The following FMN2 variants were observed in gnomAD, a reference collection of about 807,000 sequenced individuals.
FMN2 encodes formin 2.
In FMN2, 51 loss-of-function variants were observed where a neutral mutation model predicts 142.3. The observed-to-expected ratio is 0.36, with a 90% CI of 0.29 to 0.45. The LOEUF (loss-of-function observed/expected upper bound fraction) is 0.45. Ranked by LOEUF, FMN2 falls within the 20% of genes least tolerant of loss-of-function variation. The pLI is 1.00. For missense variants in FMN2, 1,936 were observed against 2,122.8 expected, an observed-to-expected ratio of 0.91 and a Z score of 1.73; for synonymous variants, 882 against 869.8, an observed-to-expected ratio of 1.01 and a Z score of -0.25.
intron 2 of FMN2, among the ~76,000 whole-genome samples, 159 bp downstream of exon 2, chr1:240,123,504 A>C (rs987629477): frequency 1.6e-3 from 189 of 119,400 alleles, no homozygotes; most frequent in Admixed American, 4.5e-3. Flanking sequence ...CTGTTTGTAC[A>C]CAAAAAAAAA....
At chr1:240,209,058 C>A (rs1189084033) in intron 5 of FMN2, among the ~76,000 whole-genome samples, 2 of 152,054 alleles carry the variant, frequency 1.3e-5, no homozygotes, top group African/African-American at 4.8e-5. Flanking sequence ...AGTTGTAAGA[C>A]TGCTACTTAT....
intron 6 of FMN2, among the ~76,000 whole-genome samples, chr1:240,254,551 C>G (rs1264916011): frequency 2.0e-5 from 3 of 151,960 alleles, no homozygotes; most frequent in African/African-American, 4.8e-5. Context: ...GACCCCAGGT[C>G]CCCCCTACCC....
At chr1:240,096,760 C>T (rs764381146) in intron 1 of FMN2, among the ~76,000 whole-genome samples, 20 of 152,064 alleles carry the variant, frequency 1.3e-4, no homozygotes, top group Non-Finnish European at 2.4e-4. Flanking sequence ...CGCTTTTTAC[C>T]GCCTTCCAAA....
At chr1:240,206,712 CA>C (rs1049726926) in intron 4 of FMN2, 86 bp from the exon 5 acceptor site, 6 of 1,433,634 alleles carry the variant, frequency 4.2e-6, no homozygotes, top group Non-Finnish European at 5.6e-6. Context: ...AGTATGACAA[CA>C]AACAGATATA....
In FMN2 at chr1:240,227,636, TC is replaced by T. The variant is rs538729499; in HGVS notation, c.4065+16402del. On this transcript the variant is annotated intron_variant, in intron 6 of 17. Transcript: ENST00000319653. ...TGGAATATATTTGAGAGTCCAGAAA[TC>T]AGTTCTTACATTTATGGTCTGTTGA... Among the ~76,000 whole-genome samples the T allele has an allele frequency of 2.7e-3, 410 of 152,292 alleles. 3 individuals carry two copies. The highest frequency in any genetic ancestry group is 0.027 in the South Asian group (129 of 4,810).
At chr1:240,355,294 A>G (rs1166051099) in intron 13 of FMN2, among the ~76,000 whole-genome samples, 1 of 152,216 alleles carries the variant, frequency 6.6e-6, no homozygotes, top group South Asian at 2.1e-4. Context: ...ATTGGATGCT[A>G]TACTAACATT....
At chr1:240,255,485 A>C (rs904805158) in intron 6 of FMN2, among the ~76,000 whole-genome samples, 1 of 152,160 alleles carries the variant, frequency 6.6e-6, no homozygotes, top group African/African-American at 2.4e-5. Flanking sequence ...GCATTTATCT[A>C]TGTAAGATAA....
chr1:240,467,870 T>C (rs2103241921), intron 16 of FMN2, among the ~76,000 whole-genome samples: 2 of 152,382 alleles, frequency 1.3e-5, no homozygotes, highest in Non-Finnish European at 2.9e-5. Flanking sequence ...AGCCATTATC[T>C]ACCATTTAGT....
chr1:240,152,293 C>T (rs1663816563), intron 2 of FMN2, among the ~76,000 whole-genome samples: 1 of 144,040 alleles, frequency 6.9e-6, no homozygotes, highest in South Asian at 2.5e-4. Flanking sequence ...CCTTTTGATA[C>T]TCCGAGCTCA....
chr1:240,348,980 C>T (rs907093575), intron 13 of FMN2, among the ~76,000 whole-genome samples: 1 of 152,164 alleles, frequency 6.6e-6, no homozygotes, highest in African/African-American at 2.4e-5. Context: ...AGGGCAATGA[C>T]TGATTTGATG....
chr1:240,355,083 A>G (rs1672217876), intron 13 of FMN2, among the ~76,000 whole-genome samples: 1 of 152,126 alleles, frequency 6.6e-6, no homozygotes, highest in African/African-American at 2.4e-5. Context: ...AAAGAGGATA[A>G]ACTTTGGTGT....
chr1:240,411,139 C>T lies in FMN2; in HGVS notation c.4910+18577C>T, dbSNP rs141773576. Among the ~76,000 whole-genome samples the T allele has an allele frequency of 2.6e-3, 399 of 152,228 alleles. 4 individuals carry two copies. Among genetic ancestry groups the T allele is most frequent in the African/African-American group, 9.3e-3 (387 of 41,538 alleles). On this transcript the variant is annotated intron_variant, in intron 15 of 17. Transcript: ENST00000319653. ...GATATACAATATAAATTTTCAGACA[C>T]GCAAGTTCTCAAAACACTTCCCTCA...
chr1:240,174,259 G>GAACTGTAGCT (rs1289572891), intron 2 of FMN2, among the ~76,000 whole-genome samples: 1 of 152,182 alleles, frequency 6.6e-6, no homozygotes, highest in Non-Finnish European at 1.5e-5. Flanking sequence ...CTGTGTAGAA[G>GAACTGTAGCT]AACTGTAGCT....
At chr1:240,419,323 A>G (rs12070220) in intron 15 of FMN2, among the ~76,000 whole-genome samples, 3,946 of 151,942 alleles carry the variant, frequency 0.026, 180 homozygotes, top group African/African-American at 0.089. Flanking sequence ...ACTTTGCCTT[A>G]TGTTAATATT....
chr1:240,165,753 A>G (rs965718858), intron 2 of FMN2, among the ~76,000 whole-genome samples: 2 of 151,970 alleles, frequency 1.3e-5, no homozygotes, highest in African/African-American at 2.4e-5. Flanking sequence ...ACCTTGAGGT[A>G]TGTTCAAAGA....
At chr1:240,150,651 T>C (rs1320469864) in intron 2 of FMN2, among the ~76,000 whole-genome samples, 1 of 152,202 alleles carries the variant, frequency 6.6e-6, no homozygotes, top group Non-Finnish European at 1.5e-5. Flanking sequence ...TAAATCCCTC[T>C]AGTGACCCGT....
At chr1:240,106,829 G>A (rs573973987) in intron 1 of FMN2, among the ~76,000 whole-genome samples, 51 of 151,470 alleles carry the variant, frequency 3.4e-4, no homozygotes, top group African/African-American at 1.0e-3. Flanking sequence ...GATTTCAGGC[G>A]CCCACCACCA....
intron 15 of FMN2, among the ~76,000 whole-genome samples, chr1:240,404,156 T>C (rs1043753786): frequency 8.5e-5 from 13 of 152,178 alleles, no homozygotes; most frequent in African/African-American, 3.1e-4. Flanking sequence ...TATGTAACTA[T>C]TCATTTGTCA....
rs528845306 is a variant in FMN2 at position 240,246,470 on chromosome 1, T to C, written c.4066-11475T>C. Among the ~76,000 whole-genome samples, 69 of 152,340 alleles carry C rather than the reference T, an allele frequency of 4.5e-4. No homozygotes were observed. The South Asian group carries it at 0.014, about 31-fold the overall frequency. On this transcript the variant is annotated intron_variant, in intron 6 of 17. Transcript: ENST00000319653. Reference sequence around the variant, plus strand: ...CACTGCAGTCTTTGGAATTTGATACTGTTTTAATCATTTTTCTAGGGGAGG... The same window carrying C: ...CACTGCAGTCTTTGGAATTTGATACCGTTTTAATCATTTTTCTAGGGGAGG...
Sources: allele counts gnomAD v4.1 joint callset (sites outside exome capture counted in the v4.1 genomes callset), GRCh38; gene constraint gnomAD v4.1.1; transcripts MANE v1.5; gene names NCBI Gene and HGNC (gene_info 2026-07-23, HGNC 2026-07-21).